The following ZXDC variants were observed in gnomAD, a reference collection of about 807,000 sequenced individuals.
ZXDC encodes the protein zinc finger protein ZXDC.
Under a neutral mutation model 63.6 loss-of-function variants are expected in ZXDC, and 58 were observed. The ratio of observed to expected loss-of-function variants is 0.91; its 90% CI spans 0.74 to 1.13. The LOEUF (loss-of-function observed/expected upper bound fraction) is 1.13, where lower values mean the gene tolerates loss of function less well. Ranked by LOEUF, ZXDC falls within the 50% of genes most tolerant of loss-of-function variation. The probability of loss-of-function intolerance (pLI) is 0.00; values close to 1 mark genes in which losing one functional copy is unlikely to be tolerated. For missense variants in ZXDC, 1,133 were observed against 1,148.9 expected, an observed-to-expected ratio of 0.99 and a Z score of 0.20; for synonymous variants, 561 against 496.1, an observed-to-expected ratio of 1.13 and a Z score of -1.74.
At chr3:126,441,984 A>T (rs751798629) in intron 7 of ZXDC, 38 bp from the exon 8 acceptor site, 4 of 1,551,712 alleles carry the variant, frequency 2.6e-6, no homozygotes. Context: ...CCCAATCTAC[A>T]ATCTACCAGT....
At chr3:126,440,120 G>T in intron 8 of ZXDC, 1 of 1,025,952 alleles carries the variant, frequency 9.7e-7, no homozygotes, top group Non-Finnish European at 1.2e-6. Context: ...GCCCCACAGA[G>T]GGCCTTCCCT....
intron 7 of ZXDC, 74 bp from the exon 8 acceptor site, chr3:126,442,020 C>A (rs1047333710): frequency 1.2e-5 from 17 of 1,432,552 alleles, no homozygotes; most frequent in African/African-American, 2.9e-5. Flanking sequence ...CAAGGTCTCA[C>A]TATGGGGAAG....
chr3:126,454,896 C>T (rs1934247106), intron 7 of ZXDC: 4 of 985,320 alleles, frequency 4.1e-6, no homozygotes, highest in African/African-American at 1.7e-5. Flanking sequence ...GAAATTCACA[C>T]ATTTTATTTT....
At chr3:126,440,050 G>T in intron 8 of ZXDC, 1 of 1,169,484 alleles carries the variant, frequency 8.6e-7, no homozygotes, top group Non-Finnish European at 1.1e-6. Context: ...CAGGTGCCCT[G>T]GCACGCCCTG....
At chr3:126,464,472 T>C (rs2107651364) in intron 5 of ZXDC, among the ~76,000 whole-genome samples, 1 of 152,300 alleles carries the variant, frequency 6.6e-6, no homozygotes, top group Middle Eastern at 3.4e-3. Flanking sequence ...TGTTTTTCAC[T>C]AGACGAAAGG....
chr3:126,440,874 TG>T, intron 8 of ZXDC: 2 of 985,724 alleles, frequency 2.0e-6, no homozygotes, highest in Non-Finnish European at 2.4e-6. Flanking sequence ...CCTGTTTCCT[TG>T]GCGAGACTCT....
At chr3:126,446,255 G>GC (rs2107631896) in intron 7 of ZXDC, among the ~76,000 whole-genome samples, 1 of 152,318 alleles carries the variant, frequency 6.6e-6, no homozygotes, top group African/African-American at 2.4e-5. Flanking sequence ...CTCCTGGGAA[G>GC]CAAGGAAGGA....
intron 3 of ZXDC, 44 bp downstream of exon 3, chr3:126,471,929 C>T: frequency 6.6e-7 from 1 of 1,515,262 alleles, no homozygotes; most frequent in Non-Finnish European, 9.0e-7. Flanking sequence ...TGACAAACCA[C>T]TCATTTTCAA....
rs2107665245 is a variant in ZXDC at position 126,475,710 on chromosome 3, C to T, written c.156G>A (p.Gly52=). 7.8e-7 allele frequency: 1 copy of T among 1,282,132 alleles called. No individual in the cohort carries two copies. Among genetic ancestry groups the T allele is most frequent in the Non-Finnish European group, 9.8e-7 (1 of 1,015,822 alleles). 79.4% of individuals were successfully genotyped at this position (1,282,132 alleles called of 1,614,324 possible). A position where few individuals can be genotyped will look rare whatever the true frequency, so the allele number is the denominator to read the frequency against. Residue 52 remains glycine, a synonymous_variant, in exon 1 of 10, where the codon GGG becomes GGA. Transcript: ENST00000389709. ...LVRGPEDGGP[G]ARPGEASGPS... Reference sequence around the variant, plus strand: ...GCCCGGAGGCCTCCCCGGGCCGCGCCCCGGGCCCGCCATCTTCAGGGCCCC... The same window carrying T: ...GCCCGGAGGCCTCCCCGGGCCGCGCTCCGGGCCCGCCATCTTCAGGGCCCC...
At chr3:126,439,569 T>C in intron 9 of ZXDC, 63 bp downstream of exon 9, 1 of 1,550,532 alleles carries the variant, frequency 6.4e-7, no homozygotes, top group Non-Finnish European at 8.7e-7. Context: ...AAGCCAGGCT[T>C]CTGGAAGTCG....
chr3:126,470,921 G>C lies in ZXDC; in HGVS notation c.1244C>G (p.Thr415Arg). The C allele has an allele frequency of 1.2e-6, 2 of 1,614,214 alleles. No individual in the cohort carries two copies. The highest frequency in any genetic ancestry group is 1.7e-6 in the Non-Finnish European group (2 of 1,180,034). The change falls in exon 4 of 10, where the codon ACA becomes AGA. Residue 415 changes from threonine to arginine, a missense_variant. Transcript: ENST00000389709. ...TTCCACAGGACACTCGAACGGCTTT[G>C]TGCCTAGGTGGGTTATGCTGTGGCC... ...LKGHSITHLG[T>R]KPFECPVEGC... is the part of the protein sequence containing the mutation.
In ZXDC at chr3:126,439,658, C is replaced by CA. The variant is rs1933600074; in HGVS notation, c.2463dup (p.Val822CysfsTer57). 6.4e-7 allele frequency: 1 copy of CA among 1,553,862 alleles called. No homozygotes were observed. The highest frequency in any genetic ancestry group is 1.4e-5 in the African/African-American group (1 of 73,358). ...TGGAGGACGTAGACGGGCAGGTCCA[C>CA]AGTGAGGAAGGGGAGGAAGGTGGCT... On this transcript the variant is annotated frameshift_variant, in exon 9 of 10. Transcript: ENST00000389709. LOFTEE classifies it low-confidence loss of function (END_TRUNC).
Position 126,469,632 on chromosome 3 carries a change from T to TC in ZXDC, c.1270+1262dup, listed in dbSNP as rs562214328. Reference sequence around the variant, plus strand: ...TGACATCATACGCTCACCCAAGCACTCAAGCCTGCCACTCCTGGCCCTGAG... The same window carrying TC: ...TGACATCATACGCTCACCCAAGCACTCCAAGCCTGCCACTCCTGGCCCTGAG... On this transcript the variant is annotated intron_variant, in intron 4 of 9. Coordinates refer to ENST00000389709, the MANE Select transcript of ZXDC (RefSeq NM_025112.5). Among the ~76,000 whole-genome samples, 492 of 152,154 alleles carry TC rather than the reference T, an allele frequency of 3.2e-3. 5 individuals carry two copies. The highest frequency in any genetic ancestry group is 0.011 in the African/African-American group (462 of 41,484).
At chr3:126,447,079 T>C (rs1378799893) in intron 7 of ZXDC, among the ~76,000 whole-genome samples, 1 of 152,220 alleles carries the variant, frequency 6.6e-6, no homozygotes, top group Admixed American at 6.5e-5. Context: ...CTCCAGGGCA[T>C]CTGGCAGGCC....
intron 7 of ZXDC, chr3:126,443,377 G>C (rs899268237): frequency 6.6e-6 from 1 of 152,214 alleles, no homozygotes; most frequent in South Asian, 2.1e-4. Flanking sequence ...CAAGAGAGGT[G>C]CCTGGGGCAC....
chr3:126,448,587 G>A (rs940677639), intron 7 of ZXDC, among the ~76,000 whole-genome samples: 1 of 152,172 alleles, frequency 6.6e-6, no homozygotes, highest in Non-Finnish European at 1.5e-5. Context: ...GGCATGGCAC[G>A]GCCATGCACT....
chr3:126,451,917 G>T, intron 7 of ZXDC: 7 of 985,386 alleles, frequency 7.1e-6, no homozygotes, highest in Non-Finnish European at 8.4e-6. Context: ...CAGAGTTACT[G>T]CATGTGAAGG....
chr3:126,441,943 G>C lies in ZXDC; in HGVS notation c.2216C>G (p.Ala739Gly), dbSNP rs771257074. 1.9e-6 allele frequency: 3 copies of C among 1,593,188 alleles called. No homozygotes were observed. The highest frequency in any genetic ancestry group is 1.7e-6 in the Non-Finnish European group (2 of 1,168,986). Residue 739 changes from alanine to glycine, a missense_variant, in exon 8 of 10, where the codon GCC becomes GGC. Physicochemically the swap from Ala to Gly is moderately conservative, Grantham distance 60. Coordinates refer to ENST00000389709, the MANE Select transcript of ZXDC (RefSeq NM_025112.5). ...KQRGAGSNAG[A>G]SQSTQRKIKE... ...TATTTTTCTCTGAGTAGACTGTGAGGCTCCTAAAATGAAATATAAAAACGA... is the reference window on the plus strand; with the variant it reads ...TATTTTTCTCTGAGTAGACTGTGAGCCTCCTAAAATGAAATATAAAAACGA...
intron 4 of ZXDC, among the ~76,000 whole-genome samples, chr3:126,470,651 G>A (rs1434795653): frequency 1.3e-5 from 2 of 152,070 alleles, no homozygotes; most frequent in Non-Finnish European, 2.9e-5. Flanking sequence ...AATTAAACAG[G>A]TAACTTAACT....
Sources: allele counts gnomAD v4.1 joint callset (sites outside exome capture counted in the v4.1 genomes callset), GRCh38; gene constraint gnomAD v4.1.1; transcripts MANE v1.5; gene names NCBI Gene and HGNC (gene_info 2026-07-23, HGNC 2026-07-21).